PTPRE: variants seen among roughly 807,000 people sequenced by gnomAD.
PTPRE encodes receptor-type tyrosine-protein phosphatase epsilon.
In PTPRE, 51 loss-of-function variants were observed where a neutral mutation model predicts 102.0. That is an observed-to-expected ratio of 0.50 (90% CI 0.40 to 0.63). The LOEUF is 0.63. PTPRE is among the 30% of genes least tolerant of loss of function. The probability of loss-of-function intolerance (pLI) is 0.00; values close to 1 mark genes in which losing one functional copy is unlikely to be tolerated. For synonymous variants in PTPRE, 345 were observed against 348.2 expected (o/e 0.99, Z 0.10); for missense variants, 752 against 915.1 (o/e 0.82, Z 2.30).
intron 1 of PTPRE, among the ~76,000 whole-genome samples, chr10:127,935,162 G>A (rs987594233): frequency 6.6e-6 from 1 of 152,160 alleles, no homozygotes; most frequent in Non-Finnish European, 1.5e-5. Flanking sequence ...TCTGTCGGGT[G>A]TGGGCTCCGG....
At chr10:127,933,630 A>G (rs962267101) in intron 1 of PTPRE, among the ~76,000 whole-genome samples, 27 of 152,248 alleles carry the variant, frequency 1.8e-4, no homozygotes, top group African/African-American at 5.5e-4. Flanking sequence ...TCACAAATTA[A>G]TATTAAAAAG....
At chr10:127,932,544 C>T (rs530686541) in intron 1 of PTPRE, among the ~76,000 whole-genome samples, 2 of 152,344 alleles carry the variant, frequency 1.3e-5, no homozygotes, top group South Asian at 2.1e-4. Flanking sequence ...CACGCAGGCT[C>T]ATCATTGCAG....
intron 17 of PTPRE, among the ~76,000 whole-genome samples, chr10:128,073,821 G>T (rs914761846): frequency 6.6e-6 from 1 of 152,066 alleles, no homozygotes; most frequent in Admixed American, 6.5e-5. Flanking sequence ...TAAACCCAAG[G>T]TTTACCAACA....
intron 6 of PTPRE, among the ~76,000 whole-genome samples, chr10:128,054,361 C>T (rs1345041541): frequency 6.6e-6 from 1 of 151,742 alleles, no homozygotes; most frequent in East Asian, 2.0e-4. Flanking sequence ...AGTGCTGGGG[C>T]CAAAAAAAGC....
At chr10:128,072,239 T>C in intron 16 of PTPRE, 25 bp downstream of exon 16, 1 of 1,587,604 alleles carries the variant, frequency 6.3e-7, no homozygotes, top group Non-Finnish European at 8.6e-7. Flanking sequence ...CTGGGTTGTG[T>C]TTATGCAGAT....
chr10:127,951,084 T>A (rs988983193), intron 1 of PTPRE, among the ~76,000 whole-genome samples: 70 of 151,584 alleles, frequency 4.6e-4, no homozygotes, highest in African/African-American at 1.5e-3. Flanking sequence ...CTCAAAAAAA[T>A]AAAAATAAAT....
chr10:127,990,207 T>G (rs1852490622), intron 2 of PTPRE, among the ~76,000 whole-genome samples: 1 of 150,836 alleles, frequency 6.6e-6, no homozygotes, highest in Non-Finnish European at 1.5e-5. Context: ...AGGTCAGGAG[T>G]TTGAGAGCAG....
At chr10:128,065,226 A>G (rs1199803667) in intron 10 of PTPRE, among the ~76,000 whole-genome samples, 1 of 152,210 alleles carries the variant, frequency 6.6e-6, no homozygotes, top group African/African-American at 2.4e-5. Context: ...TAAGACTGTT[A>G]ATCCTGGAGG....
At chr10:128,021,558 A>G (rs1305134754) in intron 2 of PTPRE, among the ~76,000 whole-genome samples, 1 of 152,224 alleles carries the variant, frequency 6.6e-6, no homozygotes, top group Non-Finnish European at 1.5e-5. Flanking sequence ...TGTACCCAGC[A>G]TTAGCACAAT....
chr10:127,926,974 A>AG, intron 1 of PTPRE, among the ~76,000 whole-genome samples: 1 of 151,390 alleles, frequency 6.6e-6, no homozygotes, highest in African/African-American at 2.4e-5. Flanking sequence ...ACCACACCTG[A>AG]CTAATTTTTG....
chr10:127,914,871 A>C (rs190446722), intron 1 of PTPRE, among the ~76,000 whole-genome samples: 8 of 152,336 alleles, frequency 5.3e-5, no homozygotes, highest in Admixed American at 4.6e-4. Context: ...TTGACCCAGG[A>C]CAATTTCAGA....
intron 1 of PTPRE, among the ~76,000 whole-genome samples, chr10:127,957,586 G>T (rs1006513522): frequency 1.3e-5 from 2 of 152,278 alleles, no homozygotes; most frequent in South Asian, 4.1e-4. Flanking sequence ...CAATGATGTT[G>T]ATTATTTTAC....
chr10:127,998,377 G>A (rs1234894868), intron 2 of PTPRE: 1 of 152,208 alleles, frequency 6.6e-6, no homozygotes, highest in Non-Finnish European at 1.5e-5. Flanking sequence ...TGAAAGCCTG[G>A]TCACTGTCTT....
At chr10:128,063,312 A>C in intron 10 of PTPRE, 132 bp downstream of exon 10, 1 of 1,452,404 alleles carries the variant, frequency 6.9e-7, no homozygotes, top group Non-Finnish European at 9.2e-7. Context: ...AAACCCAAAC[A>C]CATGCAGTGG....
At chr10:128,066,303 C>G in intron 11 of PTPRE, 109 bp downstream of exon 11, 2 of 1,517,960 alleles carry the variant, frequency 1.3e-6, no homozygotes, top group East Asian at 4.5e-5. Context: ...CAGCCCGGCA[C>G]TGTCGCAGCC....
chr10:128,046,414 G>A (rs778053089), intron 3 of PTPRE, among the ~76,000 whole-genome samples: 5 of 152,160 alleles, frequency 3.3e-5, no homozygotes, highest in East Asian at 1.9e-4. Context: ...TTGGAAGCCC[G>A]GTCGTTGCCT....
chr10:128,009,677 G>C (rs115354595), intron 2 of PTPRE, among the ~76,000 whole-genome samples: 1 of 152,212 alleles, frequency 6.6e-6, no homozygotes, highest in East Asian at 1.9e-4. Context: ...TGCAGTGCGT[G>C]TGCTGCAAAG....
chr10:128,064,507 C>T (rs1040531530), intron 10 of PTPRE, among the ~76,000 whole-genome samples: 2 of 152,250 alleles, frequency 1.3e-5, no homozygotes, highest in Non-Finnish European at 2.9e-5. Flanking sequence ...GAAAAGGAGG[C>T]TGACCCTTCA....
intron 6 of PTPRE, among the ~76,000 whole-genome samples, 199 bp downstream of exon 6, chr10:128,049,865 G>T (rs143770672): frequency 2.0e-5 from 3 of 152,042 alleles, no homozygotes; most frequent in Non-Finnish European, 4.4e-5. Flanking sequence ...TTTATAAGAT[G>T]AGACAGTTGA....
Sources: allele counts gnomAD v4.1 joint callset (sites outside exome capture counted in the v4.1 genomes callset), GRCh38; gene constraint gnomAD v4.1.1; transcripts MANE v1.5; gene names NCBI Gene and HGNC (gene_info 2026-07-23, HGNC 2026-07-21).